Variants in WDR24 observed in about 807,000 individuals in gnomAD.
The protein encoded by WDR24 is WD repeat domain 24.
Under a neutral mutation model 66.7 loss-of-function variants are expected in WDR24, and 32 were observed. The ratio of observed to expected loss-of-function variants is 0.48; its 90% CI spans 0.36 to 0.64. The LOEUF is 0.64. Ranked by LOEUF, WDR24 falls within the 30% of genes least tolerant of loss-of-function variation. The pLI is 0.00. For missense variants in WDR24, 978 were observed against 1,144.1 expected, an observed-to-expected ratio of 0.85 and a Z score of 2.09; for synonymous variants, 565 against 469.1, an observed-to-expected ratio of 1.20 and a Z score of -2.64.
chr16:686,631 G>T, intron 3 of WDR24, 113 bp downstream of exon 3: 2 of 1,326,150 alleles, frequency 1.5e-6, no homozygotes, highest in South Asian at 1.4e-5. Context: ...CTGTTGGTGC[G>T]ACTGGCTGGA....
rs568055066 is a variant in WDR24 at position 690,071 on chromosome 16, G to A, written c.-431C>T. ...TCCCGCCGTCCACACTGTCAGCCCT[G>A]AGGGCGGCGGGGCTCTAGGGAGGAA... On this transcript the variant is annotated 5_prime_UTR_variant, in exon 1 of 9. Coordinates refer to ENST00000293883, the MANE Select transcript of WDR24 (RefSeq NM_032259.4). 10 of 466,778 alleles carry A rather than the reference G, an allele frequency of 2.1e-5. No homozygotes were observed. Among genetic ancestry groups the A allele is most frequent in the Non-Finnish European group, 4.3e-5 (10 of 234,232 alleles). 28.9% of individuals were successfully genotyped at this position (466,778 alleles called of 1,614,324 possible). A position where few individuals can be genotyped will look rare whatever the true frequency, so the allele number is the denominator to read the frequency against.
Position 686,928 on chromosome 16 carries a change from A to G in WDR24, c.1148T>C (p.Leu383Pro), listed in dbSNP as rs1209905325. The G allele has an allele frequency of 6.2e-7, 1 of 1,605,266 alleles. No homozygotes were observed. Among genetic ancestry groups the G allele is most frequent in the Non-Finnish European group, 8.5e-7 (1 of 1,178,532 alleles). Residue 383 changes from leucine to proline, a missense_variant, in exon 3 of 9, where the codon CTG becomes CCG. Coordinates refer to ENST00000293883, the MANE Select transcript of WDR24 (RefSeq NM_032259.4). ...GCCTGCGAAGGGCTCGGCAGGGTCC[A>G]GCTTGCGCTTAAAGAAGATGGGGTG... ...RRHPIFFKRK[L>P]DPAEPFAGLA...
Position 685,187 on chromosome 16 carries a change from G to C in WDR24, c.2020-11C>G, listed in dbSNP as rs757822854. ...AGTGTACCAGTGCTCCTGGGGGAGGGAGCGCCCGGCAGTCAGGATCTGGGT... is the reference window on the plus strand; with the variant it reads ...AGTGTACCAGTGCTCCTGGGGGAGGCAGCGCCCGGCAGTCAGGATCTGGGT... On this transcript the variant is annotated splice_polypyrimidine_tract_variant and intron_variant, in intron 7 of 8. Coordinates refer to ENST00000293883, the MANE Select transcript of WDR24 (RefSeq NM_032259.4). The C allele has an allele frequency of 6.3e-7, 1 of 1,591,868 alleles. No individual in the cohort carries two copies. Among genetic ancestry groups the C allele is most frequent in the Non-Finnish European group, 8.6e-7 (1 of 1,169,158 alleles).
chr16:687,383 C>G lies in WDR24; in HGVS notation c.693G>C (p.Met231Ile), dbSNP rs1418292994. The G allele has an allele frequency of 6.3e-7, 1 of 1,593,138 alleles. No individual in the cohort carries two copies. Among genetic ancestry groups the G allele is most frequent in the East Asian group, 2.2e-5 (1 of 44,460 alleles). The change falls in exon 3 of 9, where the codon ATG (methionine) becomes ATC (isoleucine). Residue 231 changes from methionine to isoleucine, a missense_variant. Met to Ile is a conservative substitution (Grantham distance 10, BLOSUM62 1). This residue lies in a region of WDR24 where 302 missense variants were observed against 526.6 expected (regional missense o/e 0.57). Transcript: ENST00000293883. ...GWLATGGRDK[M>I]VKVWDMTTHR... ...GCGTGGTCATGTCCCAGACCTTCAC[C>G]ATCTTGTCGCGCCCTCCAGTGGCCA...
rs150311817 is a variant in WDR24, at chr16:685,350, G to A, written c.1926C>T (p.His642=). 1.6e-5 allele frequency: 25 copies of A among 1,611,146 alleles called. No individual in the cohort carries two copies. In the Admixed American group the frequency reaches 4.0e-4, roughly 26 times the overall value. ...GCACGTCGCCCTGCTCAGCGTAGAA[G>A]TGCAGCATGTCGCGCACCAGCACGC... The part of the protein sequence containing the change: ...FFGVLVRDML[H]FYAEQGDVQM... Residue 642 remains histidine (H), a synonymous_variant, in exon 7 of 9, where the codon CAC becomes CAT. Coordinates refer to ENST00000293883, the MANE Select transcript of WDR24 (RefSeq NM_032259.4).
At chr16:686,313 C>A (rs184544835) in intron 3 of WDR24, 127 bp from the exon 4 acceptor site, 57 of 1,067,664 alleles carry the variant, frequency 5.3e-5, no homozygotes, top group Non-Finnish European at 6.9e-5. Context: ...TCCAGGCCCA[C>A]CCCAGGTAGG....
Position 686,819 on chromosome 16 carries a change from A to G in WDR24, c.1257T>C (p.Tyr419=), listed in dbSNP as rs759421061. The G allele has an allele frequency of 9.9e-6, 16 of 1,612,276 alleles. No individual in the cohort carries two copies. Among genetic ancestry groups the G allele is most frequent in the African/African-American group, 6.7e-5 (5 of 74,950 alleles). ...MRWFVDTAER[Y]ALAGRPLAEL... is the part of the protein sequence containing the mutation. ...CGGCCAGTGGCCGGCCAGCCAGCGC[A>G]TAACGCTCAGCTGTGTCCACAAACC... Residue 419 remains tyrosine (Y), a synonymous_variant, in exon 3 of 9, where the codon TAT becomes TAC. Transcript: ENST00000293883.
Position 686,802 on chromosome 16 carries a change from G to C in WDR24, c.1274C>G (p.Pro425Arg). ...GTTGTGGTCACAGAGCTCGGCCAGTGGCCGGCCAGCCAGCGCATAACGCTC... is the reference window on the plus strand; with the variant it reads ...GTTGTGGTCACAGAGCTCGGCCAGTCGCCGGCCAGCCAGCGCATAACGCTC... Reference protein sequence around the residue: ...TAERYALAGRPLAELCDHNAK... With the variant: ...TAERYALAGRRLAELCDHNAK... The change falls in exon 3 of 9, where the codon CCA (proline) becomes CGA (arginine). Residue 425 changes from proline (P) to arginine (R), a missense_variant. Coordinates refer to ENST00000293883, the MANE Select transcript of WDR24 (RefSeq NM_032259.4). 5 of 1,611,222 alleles carry C rather than the reference G, an allele frequency of 3.1e-6. No individual in the cohort carries two copies. The highest frequency in any genetic ancestry group is 4.2e-6 in the Non-Finnish European group (5 of 1,178,814).
Position 690,246 on chromosome 16 carries a change from G to C in WDR24, c.-606C>G, listed in dbSNP as rs2039950970. The stretch of plus-strand genomic sequence containing the variant: ...AGGCAGGAGAGAAGCCGGCGACCCC[G>C]GAGTACAGGGTTCCTGGGAGCGGCG... On this transcript the variant is annotated 5_prime_UTR_variant, in exon 1 of 9. Transcript: ENST00000293883. The C allele has an allele frequency of 7.5e-6, 3 of 402,572 alleles. No homozygotes were observed. The highest frequency in any genetic ancestry group is 5.3e-5 in the South Asian group (3 of 56,348). The allele number at this position is 402,572 out of a possible 1,614,324, so 24.9% of individuals were successfully genotyped here.
In WDR24 at chr16:687,394, G is replaced by A; in HGVS notation, c.682C>T (p.Arg228Cys). 1 of 1,591,140 alleles carries A rather than the reference G, an allele frequency of 6.3e-7. No individual in the cohort carries two copies. The highest frequency in any genetic ancestry group is 8.6e-7 in the Non-Finnish European group (1 of 1,167,454). Residue 228 changes from arginine (R) to cysteine (C), a missense_variant, in exon 3 of 9, where the codon CGC becomes TGC. Physicochemically the swap from Arg to Cys is radical, Grantham distance 180 (BLOSUM62 -3). Coordinates refer to ENST00000293883, the MANE Select transcript of WDR24 (RefSeq NM_032259.4). ...EDRGWLATGG[R>C]DKMVKVWDMT... ...TCCCAGACCTTCACCATCTTGTCGC[G>A]CCCTCCAGTGGCCAACCAGCCCCTG... is the stretch of plus-strand genomic sequence containing the variant.
In WDR24 at chr16:690,243, C is replaced by T; in HGVS notation, c.-603G>A. 2.5e-6 allele frequency: 1 copy of T among 399,862 alleles called. No homozygotes were observed. The highest frequency in any genetic ancestry group is 5.0e-6 in the Non-Finnish European group (1 of 200,626). 24.8% of individuals were successfully genotyped at this position (399,862 alleles called of 1,614,324 possible). A position where few individuals can be genotyped will look rare whatever the true frequency, so the allele number is the denominator to read the frequency against. On this transcript the variant is annotated 5_prime_UTR_variant, in exon 1 of 9. Transcript: ENST00000293883. ...CGGAGGCAGGAGAGAAGCCGGCGACCCCGGAGTACAGGGTTCCTGGGAGCG... is the reference window on the plus strand; with the variant it reads ...CGGAGGCAGGAGAGAAGCCGGCGACTCCGGAGTACAGGGTTCCTGGGAGCG...
In WDR24 at chr16:684,854, C is replaced by G; in HGVS notation, c.2253G>C (p.Lys751Asn). Residue 751 changes from lysine (K) to asparagine (N), a missense_variant, in exon 9 of 9, where the codon AAG becomes AAC. Lys to Asn is a moderately conservative substitution (Grantham distance 94, BLOSUM62 0). Around this residue, in one of 2 missense-constraint regions of WDR24, gnomAD observed 676 missense variants for 617.5 expected, o/e 1.09. Coordinates refer to ENST00000293883, the MANE Select transcript of WDR24 (RefSeq NM_032259.4). ...SMCAVCHHVVKGLFVWCQGCS... is the reference protein window; with the variant it reads ...SMCAVCHHVVNGLFVWCQGCS... ...AGCCCTGGCACCACACGAAGAGACC[C>G]TTGACTACGTGGTGGCAGACGGCAC... The G allele has an allele frequency of 6.7e-7, 1 of 1,498,542 alleles. No homozygotes were observed. Among genetic ancestry groups the G allele is most frequent in the Non-Finnish European group, 8.9e-7 (1 of 1,117,966 alleles). The allele number at this position is 1,498,542 out of a possible 1,614,324, so 92.8% of individuals were successfully genotyped here.
Position 686,792 on chromosome 16 carries a change from C to T in WDR24, c.1284G>A (p.Glu428=), listed in dbSNP as rs1567293608. The T allele has an allele frequency of 6.2e-7, 1 of 1,610,854 alleles. No homozygotes were observed. The highest frequency in any genetic ancestry group is 8.5e-7 in the Non-Finnish European group (1 of 1,178,476). The part of the protein sequence containing the change: ...RYALAGRPLA[E]LCDHNAKVAR... ...CCACCTTTGCGTTGTGGTCACAGAGCTCGGCCAGTGGCCGGCCAGCCAGCG... is the reference window on the plus strand; with the variant it reads ...CCACCTTTGCGTTGTGGTCACAGAGTTCGGCCAGTGGCCGGCCAGCCAGCG... Residue 428 remains glutamate (E), a synonymous_variant, in exon 3 of 9, where the codon GAG becomes GAA. Transcript: ENST00000293883.
In WDR24 at chr16:686,974, G is replaced by T. The variant is rs1051144927; in HGVS notation, c.1102C>A (p.Pro368Thr). Residue 368 changes from proline to threonine, a missense_variant, in exon 3 of 9, where the codon CCC (proline) becomes ACC (threonine). Physicochemically the swap from Pro to Thr is conservative, Grantham distance 38. This residue lies in a region of WDR24 where 676 missense variants were observed against 617.5 expected (regional missense o/e 1.09). Transcript: ENST00000293883. ...GGGTGGCGCCGGTCGCCAGTGTAGG[G>T]CTTGCGCCCCGACTCGGCAGCCACG... ...SLVAAESGRK[P>T]YTGDRRHPIF... The T allele has an allele frequency of 4.1e-5, 65 of 1,599,762 alleles. No homozygotes were observed. The highest frequency in any genetic ancestry group is 5.4e-5 in the Non-Finnish European group (63 of 1,176,900).
Position 684,770 on chromosome 16 carries a change from A to G in WDR24, c.2337T>C (p.Cys779=), listed in dbSNP as rs906349568. Residue 779 remains cysteine (C), a synonymous_variant, in exon 9 of 9, where the codon TGT becomes TGC. Transcript: ENST00000293883. ...CGCAGAGGTGGCCGCAGCCTGCGGGACAGTGGGAGCTGCCTTCCAGCCACT... is the reference window on the plus strand; with the variant it reads ...CGCAGAGGTGGCCGCAGCCTGCGGGGCAGTGGGAGCTGCCTTCCAGCCACT... ...IMKWLEGSSH[C]PAGCGHLCEY... The G allele has an allele frequency of 3.1e-6, 5 of 1,600,416 alleles. No homozygotes were observed. The highest frequency in any genetic ancestry group is 4.3e-6 in the Non-Finnish European group (5 of 1,175,254).
Position 685,262 on chromosome 16 carries a change from T to G in WDR24, c.2014A>C (p.Thr672Pro), listed in dbSNP as rs747781138. 6 of 1,593,858 alleles carry G rather than the reference T, an allele frequency of 3.8e-6. No individual in the cohort carries two copies. Among genetic ancestry groups the G allele is most frequent in the Non-Finnish European group, 4.3e-6 (5 of 1,170,100 alleles). The change falls in exon 7 of 9, where the codon ACC (threonine) becomes CCC (proline). Residue 672 changes from threonine (T) to proline (P), a missense_variant. By Grantham distance (38) the Thr-to-Pro change is conservative. This residue lies in a region of WDR24 where 676 missense variants were observed against 617.5 expected (regional missense o/e 1.09). Transcript: ENST00000293883. ...ERVRKDIDEQ[T>P]QEHWYTSYID... ...AGGCCCCGCCCACCACACACCTGGG[T>G]CTGCTCGTCGATGTCCTTGCGCACC...
At position 687,090 on chromosome 16, in the gene WDR24, C is replaced by G; in HGVS notation, c.986G>C (p.Arg329Pro). 1 of 1,608,686 alleles carries G rather than the reference C, an allele frequency of 6.2e-7. No homozygotes were observed. Reference protein sequence around the residue: ...KDSSLCQHLFRDASQPVERAN... With the variant: ...KDSSLCQHLFPDASQPVERAN... ...GCGCTCGACGGGCTGGCTGGCGTCGCGGAACAGGTGCTGGCACAGCGAGCT... is the reference window on the plus strand; with the variant it reads ...GCGCTCGACGGGCTGGCTGGCGTCGGGGAACAGGTGCTGGCACAGCGAGCT... Residue 329 changes from arginine to proline, a missense_variant, in exon 3 of 9, where the codon CGC becomes CCC. By Grantham distance (103) the Arg-to-Pro change is moderately radical. Around this residue, in one of 2 missense-constraint regions of WDR24, gnomAD observed 302 missense variants for 526.6 expected, o/e 0.57. Transcript: ENST00000293883.
At position 684,795 on chromosome 16, in the gene WDR24, T is replaced by G. The variant is rs1341118210; in HGVS notation, c.2312A>C (p.Lys771Thr). The G allele has an allele frequency of 4.4e-6, 7 of 1,592,382 alleles. 1 individual carries two copies. In the East Asian group the frequency reaches 1.6e-4, roughly 37 times the overall value. The change falls in exon 9 of 9, where the codon AAG becomes ACG. Residue 771 changes from lysine (K) to threonine (T), a missense_variant. Lys to Thr is a moderately conservative substitution (Grantham distance 78). Coordinates refer to ENST00000293883, the MANE Select transcript of WDR24 (RefSeq NM_032259.4). ...SHGGHLQHIM[K>T]WLEGSSHCPA... ...ACAGTGGGAGCTGCCTTCCAGCCAC[T>G]TCATGATGTGCTGCAGGTGGCCGCC...
Position 685,521 on chromosome 16 carries a change from G to C in WDR24, c.1755C>G (p.Pro585=), listed in dbSNP as rs770262152. Residue 585 remains proline (P), a synonymous_variant, in exon 7 of 9, where the codon CCC becomes CCG. Coordinates refer to ENST00000293883, the MANE Select transcript of WDR24 (RefSeq NM_032259.4). ...RHEIVDTPPG[P]EHLQDKADSP... is the part of the protein sequence containing the mutation. ...AGTCGGCCTTGTCCTGCAGGTGCTC[G>C]GGCCCGGGAGGCGTGTCCACGATCT... The C allele has an allele frequency of 1.3e-6, 2 of 1,588,732 alleles. No individual in the cohort carries two copies. The highest frequency in any genetic ancestry group is 1.7e-6 in the Non-Finnish European group (2 of 1,164,250).
Sources: allele counts gnomAD v4.1 joint callset, GRCh38; gene constraint gnomAD v4.1.1; regional missense constraint gnomAD v4.1.1; transcripts MANE v1.5; gene names NCBI Gene and HGNC (gene_info 2026-07-23, HGNC 2026-07-21).